Variants in VPS8 observed in about 807,000 individuals in gnomAD.
The protein encoded by VPS8 is vacuolar protein sorting-associated protein 8 homolog.
In VPS8, 129 loss-of-function variants were observed where a neutral mutation model predicts 216.4. The observed-to-expected ratio is 0.60, with a 90% CI of 0.52 to 0.69. The LOEUF is 0.69. Among genes scored for constraint, VPS8 ranks in the 30% least tolerant of loss-of-function variants. The pLI is 0.00. For synonymous variants in VPS8, 571 were observed against 565.4 expected, an observed-to-expected ratio of 1.01 and a Z score of -0.14; for missense variants, 1,531 against 1,683.5, an observed-to-expected ratio of 0.91 and a Z score of 1.59.
chr3:184,995,925 G>A (rs1299110359), intron 43 of VPS8, among the ~76,000 whole-genome samples: 1 of 152,164 alleles, frequency 6.6e-6, no homozygotes, highest in Non-Finnish European at 1.5e-5. Context: ...AAAAATCTGG[G>A]ATTCAGACTT....
intron 45 of VPS8, among the ~76,000 whole-genome samples, chr3:185,022,836 A>C (rs1756846005): frequency 6.6e-6 from 1 of 151,874 alleles, no homozygotes; most frequent in East Asian, 1.9e-4. Context: ...TTTCCTACTT[A>C]GTTTGGTTTT....
In VPS8 at chr3:184,902,410, A is replaced by C. The variant is rs544899400; in HGVS notation, c.2146+1438A>C. Among the ~76,000 whole-genome samples the C allele has an allele frequency of 2.6e-5, 4 of 151,592 alleles. No homozygotes were observed. In the South Asian group the frequency reaches 8.4e-4, roughly 32 times the overall value. On this transcript the variant is annotated intron_variant, in intron 25 of 47. Coordinates refer to ENST00000625842, the MANE Select transcript of VPS8 (RefSeq NM_001009921.3). The stretch of plus-strand genomic sequence containing the variant: ...AGAATTGCTTGAACCCAGGAGGCAG[A>C]GGTTGCAGTGAGCCAAGATCGTGCC...
At chr3:184,913,698 A>G in intron 26 of VPS8, 137 bp downstream of exon 26, 1 of 658,912 alleles carries the variant, frequency 1.5e-6, no homozygotes, top group Non-Finnish European at 2.3e-6. Context: ...GTGGTTCTCA[A>G]CCATGGATAA....
intron 21 of VPS8, 193 bp from the exon 22 acceptor site, chr3:184,885,917 C>A (rs1165391716): frequency 2.1e-5 from 11 of 517,406 alleles, no homozygotes; most frequent in Admixed American, 3.3e-5. Context: ...GGTACATTTC[C>A]AGAAATAGAA....
intron 46 of VPS8, among the ~76,000 whole-genome samples, chr3:185,048,049 A>AAT (rs1418923726): frequency 6.6e-6 from 1 of 152,210 alleles, no homozygotes; most frequent in Non-Finnish European, 1.5e-5. Context: ...CTTTATAATG[A>AAT]GACAGGGATG....
chr3:185,014,756 T>C (rs1354842906), intron 45 of VPS8, among the ~76,000 whole-genome samples: 2 of 152,216 alleles, frequency 1.3e-5, no homozygotes. Context: ...CCACTATGGT[T>C]TGTCCTTGAA....
chr3:184,871,949 G>A (rs1463265153), intron 21 of VPS8, among the ~76,000 whole-genome samples: 1 of 152,064 alleles, frequency 6.6e-6, no homozygotes, highest in Non-Finnish European at 1.5e-5. Flanking sequence ...TGAGCTTCTG[G>A]TAGAGTAACT....
At chr3:184,979,037 T>A (rs1410270485) in intron 40 of VPS8, among the ~76,000 whole-genome samples, 1 of 152,246 alleles carries the variant, frequency 6.6e-6, no homozygotes, top group Admixed American at 6.5e-5. Flanking sequence ...TCTTGATTTC[T>A]GCATTAATTT....
chr3:184,991,570 G>A (rs1324719561), intron 42 of VPS8, among the ~76,000 whole-genome samples: 2 of 152,054 alleles, frequency 1.3e-5, no homozygotes, highest in African/African-American at 4.8e-5. Context: ...AGACCTCTTT[G>A]TTCTCCAAAC....
At position 184,844,985 on chromosome 3, in the gene VPS8, G is replaced by C. The variant is rs1169770335; in HGVS notation, c.541+1740G>C. 3.3e-5 allele frequency among the ~76,000 whole-genome samples: 5 copies of C among 152,202 alleles called. No individual in the cohort carries two copies. The East Asian group carries it at 9.6e-4, about 29-fold the overall frequency. On this transcript the variant is annotated intron_variant, in intron 8 of 47. Coordinates refer to ENST00000625842, the MANE Select transcript of VPS8 (RefSeq NM_001009921.3). ...TAGTCTCATTTCATATTTCTTGCCAGGGTAACCATTATTAAGACCCCTGCA... is the reference window on the plus strand; with the variant it reads ...TAGTCTCATTTCATATTTCTTGCCACGGTAACCATTATTAAGACCCCTGCA...
Position 184,940,203 on chromosome 3 carries a change from G to GTTT in VPS8, c.2997_2999dup (p.Val999_Leu1000insPhe). On this transcript the variant is annotated inframe_insertion, in exon 36 of 48. Transcript: ENST00000625842. Reference sequence around the variant, plus strand: ...TTATTGTTTTTCTGTTCAGAACCAGGTTTTGCTTTTCAAATTTTTGAGGAG... The same window carrying GTTT: ...TTATTGTTTTTCTGTTCAGAACCAGGTTTTTTTGCTTTTCAAATTTTTGAGGAG... 1 of 1,496,814 alleles carries GTTT rather than the reference G, an allele frequency of 6.7e-7. No individual in the cohort carries two copies. The allele number at this position is 1,496,814 out of a possible 1,614,324, so 92.7% of individuals were successfully genotyped here. A position where few individuals can be genotyped will look rare whatever the true frequency, so the allele number is the denominator to read the frequency against.
At chr3:184,888,842 C>G (rs1019774152) in intron 22 of VPS8, among the ~76,000 whole-genome samples, 2 of 152,150 alleles carry the variant, frequency 1.3e-5, no homozygotes, top group Non-Finnish European at 2.9e-5. Context: ...CACAATATAG[C>G]TATCCAATAC....
chr3:184,953,932 C>G (rs1158491489), intron 36 of VPS8, among the ~76,000 whole-genome samples: 1 of 152,112 alleles, frequency 6.6e-6, no homozygotes, highest in African/African-American at 2.4e-5. Flanking sequence ...TATTTCTCTT[C>G]CCACAGGCTT....
intron 34 of VPS8, among the ~76,000 whole-genome samples, chr3:184,934,754 C>A (rs1011196854): frequency 1.7e-4 from 26 of 152,204 alleles, no homozygotes; most frequent in African/African-American, 6.0e-4. Context: ...TTATACATTG[C>A]TGAATTTCAT....
intron 40 of VPS8, among the ~76,000 whole-genome samples, chr3:184,979,154 G>C (rs1055278554): frequency 6.6e-6 from 1 of 151,958 alleles, no homozygotes. Flanking sequence ...TAATGTTGTG[G>C]TCTGGGAATG....
intron 22 of VPS8, chr3:184,893,303 C>T: frequency 8.5e-6 from 11 of 1,286,940 alleles, no homozygotes; most frequent in Non-Finnish European, 1.1e-5. Context: ...TGGAACTTGT[C>T]ATGAAAGACC....
At chr3:185,036,627 A>G (rs1260644052) in intron 46 of VPS8, among the ~76,000 whole-genome samples, 4 of 151,504 alleles carry the variant, frequency 2.6e-5, no homozygotes. Flanking sequence ...TGCATCCTAG[A>G]TTTTCATATT....
chr3:184,927,194 T>G (rs973378867), intron 31 of VPS8, among the ~76,000 whole-genome samples: 3 of 152,162 alleles, frequency 2.0e-5, no homozygotes, highest in African/African-American at 4.8e-5. Context: ...AGGAGTAGGA[T>G]TCTTTAAAAA....
intron 26 of VPS8, among the ~76,000 whole-genome samples, 184 bp downstream of exon 26, chr3:184,913,745 C>G (rs879612513): frequency 1.3e-5 from 2 of 152,082 alleles, no homozygotes; most frequent in African/African-American, 2.4e-5. Context: ...TTGGCAACAT[C>G]TAGAGACATT....
Sources: allele counts gnomAD v4.1 joint callset (sites outside exome capture counted in the v4.1 genomes callset), GRCh38; gene constraint gnomAD v4.1.1; transcripts MANE v1.5; gene names NCBI Gene and HGNC (gene_info 2026-07-23, HGNC 2026-07-21).